SLC25A13: variants seen among roughly 807,000 people sequenced by gnomAD.
SLC25A13 encodes electrogenic aspartate/glutamate antiporter SLC25A13, mitochondrial.
In SLC25A13, 70 loss-of-function variants were observed where a neutral mutation model predicts 85.5. That is an observed-to-expected ratio of 0.82 (90% confidence interval 0.68 to 1.00). SLC25A13 has a LOEUF of 1.00. Ranked by LOEUF, SLC25A13 falls within the 50% of genes least tolerant of loss-of-function variation. SLC25A13 has a pLI of 0.00. For synonymous variants in SLC25A13, 259 were observed against 288.7 expected (o/e 0.90, Z 1.04); for missense variants, 765 against 819.8 (o/e 0.93, Z 0.82).
chr7:96,321,779 A>G (rs1049411240), intron 1 of SLC25A13, among the ~76,000 whole-genome samples, 163 bp downstream of exon 1: 1 of 152,108 alleles, frequency 6.6e-6, no homozygotes, highest in African/African-American at 2.4e-5. Flanking sequence ...GCTGCCCGGG[A>G]GGAGTGGCCC....
At chr7:96,226,505 C>T (rs1330269732) in intron 4 of SLC25A13, among the ~76,000 whole-genome samples, 1 of 151,952 alleles carries the variant, frequency 6.6e-6, no homozygotes, top group East Asian at 1.9e-4. Flanking sequence ...GATAAATATC[C>T]AGAAGTGAGA....
Position 96,184,269 on chromosome 7 carries a change from G to A in SLC25A13, c.1177+8C>T, listed in dbSNP as rs1410802687. 1.2e-6 allele frequency: 2 copies of A among 1,613,906 alleles called. No individual in the cohort carries two copies. The highest frequency in any genetic ancestry group is 2.7e-5 in the African/African-American group (2 of 74,902). ...TCACCTAACAGGTATTGAGCATGTG[G>A]CACTAACCTCTATACAGTCCAAAGA... On this transcript the variant is annotated splice_region_variant and intron_variant, in intron 11 of 17. Coordinates refer to ENST00000265631, the MANE Select transcript of SLC25A13 (RefSeq NM_014251.3).
chr7:96,149,164 T>C (rs546438023), intron 13 of SLC25A13, among the ~76,000 whole-genome samples: 11 of 152,346 alleles, frequency 7.2e-5, no homozygotes, highest in Admixed American at 3.9e-4. Context: ...CACTACACCA[T>C]CTCTAGAATC....
chr7:96,220,774 T>TAC (rs141258216), intron 4 of SLC25A13, among the ~76,000 whole-genome samples: 15 of 151,648 alleles, frequency 9.9e-5, no homozygotes, highest in East Asian at 7.7e-4. Flanking sequence ...AACATGCACA[T>TAC]ACACACACAC....
rs1179803348 is a variant in SLC25A13, at chr7:96,208,862, A to G, written c.444T>C (p.Tyr148=). Residue 148 remains tyrosine (Y), a synonymous_variant, in exon 5 of 18, where the codon TAT becomes TAC. Transcript: ENST00000265631. The stretch of plus-strand genomic sequence containing the variant: ...CCAATAAAAACTGAGTAAATTCCGC[A>G]TATGTCAGGTGTCTTTTTCTTTCTT... The part of the protein sequence containing the change: ...FGKERKRHLT[Y]AEFTQFLLEI... 1 of 1,614,106 alleles carries G rather than the reference A, an allele frequency of 6.2e-7. No homozygotes were observed. Among genetic ancestry groups the G allele is most frequent in the Non-Finnish European group, 8.5e-7 (1 of 1,180,016 alleles).
At chr7:96,265,823 G>A (rs764054710) in intron 3 of SLC25A13, among the ~76,000 whole-genome samples, 57 of 152,132 alleles carry the variant, frequency 3.7e-4, no homozygotes, top group Middle Eastern at 3.2e-3. Context: ...CTAGGAGTTG[G>A]GAAGTCCAAG....
intron 2 of SLC25A13, among the ~76,000 whole-genome samples, chr7:96,292,389 T>C (rs1279177193): frequency 1.3e-5 from 2 of 152,182 alleles, no homozygotes; most frequent in Non-Finnish European, 2.9e-5. Context: ...ATGCCGTCTC[T>C]CACCACTCCT....
In SLC25A13 at chr7:96,122,358, C is replaced by A. The variant is rs188262413; in HGVS notation, c.1592-361G>T. 8.9e-4 allele frequency among the ~76,000 whole-genome samples: 135 copies of A among 152,188 alleles called. 1 individual carries two copies. The highest frequency in any genetic ancestry group is 8.9e-4 in the African/African-American group (37 of 41,518). ...TTTTCTTTTTCTTTCCTGTTGAAAT[C>A]AAAAACTTGCGAAGTTATTAGGTCC... On this transcript the variant is annotated intron_variant, in intron 15 of 17. Coordinates refer to ENST00000265631, the MANE Select transcript of SLC25A13 (RefSeq NM_014251.3).
chr7:96,317,056 G>A (rs1417401391), intron 1 of SLC25A13, among the ~76,000 whole-genome samples: 5 of 152,044 alleles, frequency 3.3e-5, no homozygotes, highest in African/African-American at 9.7e-5. Flanking sequence ...TGCAACCTCC[G>A]CCTCCCAGGT....
chr7:96,234,604 A>G (rs1161968663), intron 4 of SLC25A13, among the ~76,000 whole-genome samples, 198 bp downstream of exon 4: 5 of 152,200 alleles, frequency 3.3e-5, no homozygotes, highest in African/African-American at 1.2e-4. Flanking sequence ...CAAAACTACT[A>G]AGCCAGAAAC....
chr7:96,132,719 A>T lies in SLC25A13; in HGVS notation c.1453-838T>A, dbSNP rs142304717. On this transcript the variant is annotated intron_variant, in intron 14 of 17. Coordinates refer to ENST00000265631, the MANE Select transcript of SLC25A13 (RefSeq NM_014251.3). ...TCACTTTTCAACATGTAATGATTTA[A>T]TACCATTTCTTTAACAGATTTCTAA... Among the ~76,000 whole-genome samples, 10 of 152,344 alleles carry T rather than the reference A, an allele frequency of 6.6e-5. No homozygotes were observed. In the East Asian group the frequency reaches 1.9e-3, roughly 29 times the overall value.
chr7:96,181,323 G>C (rs1260816211), intron 11 of SLC25A13, among the ~76,000 whole-genome samples: 1 of 152,200 alleles, frequency 6.6e-6, no homozygotes, highest in Non-Finnish European at 1.5e-5. Flanking sequence ...TTCTATTGAA[G>C]AGCACTGCTA....
At chr7:96,298,270 G>T (rs1799424950) in intron 1 of SLC25A13, among the ~76,000 whole-genome samples, 1 of 152,168 alleles carries the variant, frequency 6.6e-6, no homozygotes, top group Non-Finnish European at 1.5e-5. Flanking sequence ...TGAGCTCCTA[G>T]GCTCTCCACT....
At chr7:96,306,944 AT>A in intron 1 of SLC25A13, 1 of 912,458 alleles carries the variant, frequency 1.1e-6, no homozygotes. Flanking sequence ...CCACACTCGC[AT>A]TTCCTCCTGT....
At chr7:96,242,541 C>T (rs1004010278) in intron 3 of SLC25A13, among the ~76,000 whole-genome samples, 2 of 152,166 alleles carry the variant, frequency 1.3e-5, no homozygotes, top group Admixed American at 6.5e-5. Context: ...GGACATGTCT[C>T]ATTATATCTT....
chr7:96,189,552 CAAAAAAAA>C, intron 8 of SLC25A13, 21 bp downstream of exon 8: 1 of 1,419,886 alleles, frequency 7.0e-7, no homozygotes, highest in Admixed American at 2.0e-5. Flanking sequence ...AAGCTAATTC[CAAAAAAAA>C]AAAAAAAAAA....
intron 11 of SLC25A13, among the ~76,000 whole-genome samples, chr7:96,177,208 T>C (rs540834316): frequency 1.3e-5 from 2 of 152,184 alleles, no homozygotes; most frequent in African/African-American, 4.8e-5. Flanking sequence ...GCTGTGCCCA[T>C]GACATTATGC....
At chr7:96,255,082 A>G (rs929402911) in intron 3 of SLC25A13, among the ~76,000 whole-genome samples, 2 of 152,228 alleles carry the variant, frequency 1.3e-5, no homozygotes, top group African/African-American at 2.4e-5. Flanking sequence ...ATTCTTTCCA[A>G]TAACTTTAGA....
At chr7:96,160,301 G>A (rs1793457036) in intron 13 of SLC25A13, among the ~76,000 whole-genome samples, 2 of 152,334 alleles carry the variant, frequency 1.3e-5, no homozygotes, top group South Asian at 4.1e-4. Flanking sequence ...GGCTGGCCCA[G>A]TGTCTAGCAT....
Sources: allele counts gnomAD v4.1 joint callset (sites outside exome capture counted in the v4.1 genomes callset), GRCh38; gene constraint gnomAD v4.1.1; transcripts MANE v1.5; gene names NCBI Gene and HGNC (gene_info 2026-07-23, HGNC 2026-07-21).